Variants in EML4 observed in about 807,000 individuals in gnomAD.
EML4 encodes echinoderm microtubule-associated protein-like 4.
A neutral mutation model predicts 129.0 loss-of-function variants in EML4; 72 were observed. The observed-to-expected ratio is 0.56, with a 90% CI of 0.46 to 0.68. EML4 has a LOEUF of 0.68. Ranked by LOEUF, EML4 falls within the 30% of genes least tolerant of loss-of-function variation. The pLI, the probability that EML4 is intolerant of heterozygous loss-of-function variation, is 0.00. For synonymous variants in EML4, 532 were observed against 405.0 expected, an observed-to-expected ratio of 1.31 and a Z score of -3.77; for missense variants, 1,363 against 1,190.6, an observed-to-expected ratio of 1.14 and a Z score of -2.13.
intron 1 of EML4, among the ~76,000 whole-genome samples, chr2:42,187,950 T>C (rs1289356965): frequency 6.6e-6 from 1 of 152,226 alleles, no homozygotes; most frequent in African/African-American, 2.4e-5. Flanking sequence ...AGATTCTTAT[T>C]ATTTCTTAGT....
At chr2:42,325,386 G>C (rs1461805664) in intron 19 of EML4, 81 bp from the exon 20 acceptor site, 2 of 675,744 alleles carry the variant, frequency 3.0e-6, no homozygotes, top group South Asian at 2.9e-5. Flanking sequence ...TGTGTATTCA[G>C]AAACAGTATT....
chr2:42,332,031 G>A lies in EML4; in HGVS notation c.*1824G>A, dbSNP rs573981059. ...GTTCTGTACATACTTATCGGAGCGC[G>A]CCAGTAAGTATCAGGCATATATATC... On this transcript the variant is annotated 3_prime_UTR_variant, in exon 23 of 23. Transcript: ENST00000318522. The A allele has an allele frequency of 1.4e-5, 3 of 222,066 alleles. No individual in the cohort carries two copies. The highest frequency in any genetic ancestry group is 6.6e-5 in the East Asian group (1 of 15,216). 13.8% of individuals were successfully genotyped at this position (222,066 alleles called of 1,614,324 possible). A position where few individuals can be genotyped will look rare whatever the true frequency, so the allele number is the denominator to read the frequency against.
intron 1 of EML4, among the ~76,000 whole-genome samples, chr2:42,242,054 C>T (rs1212666686): frequency 6.6e-6 from 1 of 152,116 alleles, no homozygotes; most frequent in Non-Finnish European, 1.5e-5. Context: ...TTTCACACAA[C>T]TTAAACACCT....
At chr2:42,227,584 A>C (rs1674052057) in intron 1 of EML4, among the ~76,000 whole-genome samples, 1 of 151,880 alleles carries the variant, frequency 6.6e-6, no homozygotes, top group Non-Finnish European at 1.5e-5. Flanking sequence ...TATGCCCTTC[A>C]AATACAGTTG....
intron 1 of EML4, among the ~76,000 whole-genome samples, chr2:42,242,406 G>C (rs972961638): frequency 2.6e-5 from 4 of 152,136 alleles, no homozygotes; most frequent in African/African-American, 4.8e-5. Context: ...AGGAATATTG[G>C]AGCAGCTCTC....
Position 42,189,525 on chromosome 2 carries a change from A to G in EML4, c.25+19889A>G, listed in dbSNP as rs528883792. Among the ~76,000 whole-genome samples the G allele has an allele frequency of 5.5e-4, 84 of 152,306 alleles. 2 individuals carry two copies. In the South Asian group the frequency reaches 0.017, roughly 31 times the overall value. On this transcript the variant is annotated intron_variant, in intron 1 of 22. Coordinates refer to ENST00000318522, the MANE Select transcript of EML4 (RefSeq NM_019063.5). The stretch of plus-strand genomic sequence containing the variant: ...AGACCAGGAGTTCAAGGTGGCAATG[A>G]GCTGTGATCTTGCTACTGCACTCCA...
intron 1 of EML4, among the ~76,000 whole-genome samples, chr2:42,233,572 G>T (rs1674484700): frequency 6.6e-6 from 1 of 152,022 alleles, no homozygotes; most frequent in South Asian, 2.1e-4. Context: ...CTCCCAAAGT[G>T]CTGGGATTAC....
chr2:42,330,462 C>G lies in EML4; in HGVS notation c.*255C>G. On this transcript the variant is annotated 3_prime_UTR_variant, in exon 23 of 23. Coordinates refer to ENST00000318522, the MANE Select transcript of EML4 (RefSeq NM_019063.5). ...ATCATTAATGATGTCTCACAAATTA[C>G]TGTGTACCTAAGTGGTGTGATGTAA... The G allele has an allele frequency of 1.8e-6, 1 of 567,670 alleles. No individual in the cohort carries two copies. Among genetic ancestry groups the G allele is most frequent in the African/African-American group, 1.9e-5 (1 of 53,790 alleles). 35.2% of individuals were successfully genotyped at this position (567,670 alleles called of 1,614,324 possible).
chr2:42,236,743 C>A (rs1404793179), intron 1 of EML4, among the ~76,000 whole-genome samples: 1 of 151,906 alleles, frequency 6.6e-6, no homozygotes, highest in African/African-American at 2.4e-5. Flanking sequence ...TTTTTTTCCC[C>A]CTAAAGTCAT....
chr2:42,239,123 G>A (rs1254073227), intron 1 of EML4, among the ~76,000 whole-genome samples: 1 of 152,226 alleles, frequency 6.6e-6, no homozygotes, highest in Non-Finnish European at 1.5e-5. Context: ...AGTGCTTGCA[G>A]CGTAGTAATT....
At position 42,250,466 on chromosome 2, in the gene EML4, G is replaced by A. The variant is rs190762217; in HGVS notation, c.208+4779G>A. On this transcript the variant is annotated intron_variant, in intron 2 of 22. Coordinates refer to ENST00000318522, the MANE Select transcript of EML4 (RefSeq NM_019063.5). ...TGAATTGCCTTGGTGGGACCCTTAC[G>A]CTAAAATGACTAGTAATTGTGGAAG... Among the ~76,000 whole-genome samples the A allele has an allele frequency of 7.2e-5, 11 of 152,196 alleles. No individual in the cohort carries two copies. In the East Asian group the frequency reaches 1.5e-3, roughly 21 times the overall value.
chr2:42,254,694 G>C (rs924950794), intron 2 of EML4, among the ~76,000 whole-genome samples: 8 of 151,484 alleles, frequency 5.3e-5, no homozygotes, highest in African/African-American at 1.9e-4. Flanking sequence ...TACATTGCTA[G>C]TGAAATTGTA....
At chr2:42,270,034 G>T (rs1666279629) in intron 6 of EML4, among the ~76,000 whole-genome samples, 1 of 152,146 alleles carries the variant, frequency 6.6e-6, no homozygotes, top group African/African-American at 2.4e-5. Context: ...AATTCCATTT[G>T]CTAAAGGAAA....
chr2:42,303,074 T>A (rs2103725293), intron 14 of EML4, 30 bp from the exon 15 acceptor site: 1 of 1,609,482 alleles, frequency 6.2e-7, no homozygotes, highest in East Asian at 2.2e-5. Flanking sequence ...TATTAGTATG[T>A]ATATGGTGAC....
chr2:42,328,815 T>C (rs760887445), intron 21 of EML4, 71 bp from the exon 22 acceptor site: 49 of 1,212,446 alleles, frequency 4.0e-5, no homozygotes, highest in Non-Finnish European at 5.5e-5. Context: ...TAAAATAAAA[T>C]AAACATATAT....
intron 1 of EML4, among the ~76,000 whole-genome samples, chr2:42,206,162 T>TC (rs1393986721): frequency 7.2e-5 from 11 of 152,094 alleles, no homozygotes; most frequent in Non-Finnish European, 1.2e-4. Context: ...CATATAGCAT[T>TC]CCCCCCCTCT....
chr2:42,280,066 A>G (rs1281358049), intron 6 of EML4, among the ~76,000 whole-genome samples: 2 of 151,974 alleles, frequency 1.3e-5, no homozygotes, highest in Non-Finnish European at 2.9e-5. Flanking sequence ...TGGCCTTTTT[A>G]TTGTTGATTG....
chr2:42,282,772 A>G, intron 7 of EML4, 51 bp from the exon 8 acceptor site: 3 of 1,527,826 alleles, frequency 2.0e-6, no homozygotes, highest in Non-Finnish European at 2.7e-6. Context: ...AAAATCTGTT[A>G]ACAACTTGAA....
chr2:42,255,965 G>A (rs1572636484), intron 2 of EML4, among the ~76,000 whole-genome samples: 1 of 152,272 alleles, frequency 6.6e-6, no homozygotes, highest in South Asian at 2.1e-4. Context: ...TTTATCTTAT[G>A]ATGTTGTGTC....
Sources: allele counts gnomAD v4.1 joint callset (sites outside exome capture counted in the v4.1 genomes callset), GRCh38; gene constraint gnomAD v4.1.1; transcripts MANE v1.5; gene names NCBI Gene and HGNC (gene_info 2026-07-23, HGNC 2026-07-21).